Variants in PRR14L observed in about 807,000 individuals in gnomAD.
PRR14L encodes the protein proline rich 14 like.
PRR14L carries 80 observed loss-of-function variants against 155.0 expected under a neutral mutation model. That is an observed-to-expected ratio of 0.52 (90% confidence interval 0.43 to 0.62). The LOEUF (loss-of-function observed/expected upper bound fraction) is 0.62, where lower values mean the gene tolerates loss of function less well. Ranked by LOEUF, PRR14L falls within the 20% of genes least tolerant of loss-of-function variation. The pLI is 0.00. For missense variants in PRR14L, 2,469 were observed against 2,548.0 expected (o/e 0.97, Z 0.67); for synonymous variants, 883 against 916.0 (o/e 0.96, Z 0.65).
chr22:31,704,202 A>G (rs2147858416), intron 5 of PRR14L, among the ~76,000 whole-genome samples: 1 of 152,342 alleles, frequency 6.6e-6, no homozygotes, highest in African/African-American at 2.4e-5. Context: ...CTGTATCTAC[A>G]TATGTAAAAA....
intron 2 of PRR14L, among the ~76,000 whole-genome samples, chr22:31,732,143 A>C (rs1694316378): frequency 6.6e-6 from 1 of 152,210 alleles, no homozygotes. Flanking sequence ...GTTTTATACA[A>C]ATAAGCAGAT....
intron 3 of PRR14L, among the ~76,000 whole-genome samples, chr22:31,719,131 A>C (rs1251323306): frequency 6.6e-6 from 1 of 152,118 alleles, no homozygotes; most frequent in Non-Finnish European, 1.5e-5. Flanking sequence ...AGTTTGATGC[A>C]GTACCTCACA....
chr22:31,747,353 A>T (rs1234750452), intron 1 of PRR14L, among the ~76,000 whole-genome samples: 2 of 148,792 alleles, frequency 1.3e-5, no homozygotes, highest in African/African-American at 5.0e-5. Context: ...ACCTCAGGTG[A>T]TCCACCCGCC....
At chr22:31,738,311 C>T (rs764820347) in intron 2 of PRR14L, 76 bp downstream of exon 2, 34 of 1,186,750 alleles carry the variant, frequency 2.9e-5, no homozygotes, top group East Asian at 7.7e-5. Flanking sequence ...ATGAGCCAAC[C>T]GTCAGCATCT....
intron 3 of PRR14L, among the ~76,000 whole-genome samples, chr22:31,721,463 G>C (rs1208018212): frequency 6.6e-6 from 1 of 151,962 alleles, no homozygotes. Context: ...AGCTACTCGG[G>C]AGACTGAGGC....
intron 1 of PRR14L, among the ~76,000 whole-genome samples, chr22:31,739,798 C>T (rs2074802671): frequency 6.6e-6 from 1 of 152,178 alleles, no homozygotes; most frequent in Non-Finnish European, 1.5e-5. Flanking sequence ...TTTGCTGAAA[C>T]ACTTATATCT....
At chr22:31,693,492 G>C (rs1177977262) in intron 7 of PRR14L, among the ~76,000 whole-genome samples, 1 of 152,168 alleles carries the variant, frequency 6.6e-6, no homozygotes, top group Non-Finnish European at 1.5e-5. Flanking sequence ...CATCTTGGTT[G>C]CTTCCAAGTT....
chr22:31,714,663 T>C lies in PRR14L; in HGVS notation c.3176A>G (p.Asp1059Gly). 1 of 1,552,218 alleles carries C rather than the reference T, an allele frequency of 6.4e-7. No homozygotes were observed. Among genetic ancestry groups the C allele is most frequent in the Non-Finnish European group, 8.7e-7 (1 of 1,147,108 alleles). ...TEGMVDIVYTDCSNKLAEGVL... is the reference protein window; with the variant it reads ...TEGMVDIVYTGCSNKLAEGVL... ...ACCTTCTGCAAGCTTATTACTACAG[T>C]CCGTGTAGACGATGTCTACCATACC... is the stretch of plus-strand genomic sequence containing the variant. Residue 1059 changes from aspartate to glycine, a missense_variant, in exon 4 of 9, where the codon GAC becomes GGC. Physicochemically the swap from Asp to Gly is moderately conservative, Grantham distance 94. Around this residue, in one of 2 missense-constraint regions of PRR14L, gnomAD observed 2,363 missense variants for 2,371.6 expected, o/e 1.00. Transcript: ENST00000327423.
chr22:31,688,503 C>A (rs999236289), intron 7 of PRR14L, among the ~76,000 whole-genome samples: 1 of 151,832 alleles, frequency 6.6e-6, no homozygotes, highest in African/African-American at 2.4e-5. Context: ...TTTCCCAATG[C>A]TATCCTTTTC....
At chr22:31,723,171 G>T (rs1183837437) in intron 3 of PRR14L, among the ~76,000 whole-genome samples, 1 of 152,138 alleles carries the variant, frequency 6.6e-6, no homozygotes, top group African/African-American at 2.4e-5. Context: ...CTGATTTCAA[G>T]CTCGCCTATA....
At chr22:31,740,421 C>T (rs991470385) in intron 1 of PRR14L, among the ~76,000 whole-genome samples, 34 of 152,048 alleles carry the variant, frequency 2.2e-4, no homozygotes, top group Admixed American at 3.9e-4. Flanking sequence ...AGTTTCACCA[C>T]GTTGGCCAGG....
rs751701007 is a variant in PRR14L, at chr22:31,715,319, G to C, written c.2520C>G (p.His840Gln). ...HRDHCCQGTG[H>Q]SVEKSSCKVS... ...CTTTACAGCTGCTTTTTTCCACAGAGTGTCCTGTTCCTTGGCAGCAGTGAT... is the reference window on the plus strand; with the variant it reads ...CTTTACAGCTGCTTTTTTCCACAGACTGTCCTGTTCCTTGGCAGCAGTGAT... The change falls in exon 4 of 9, where the codon CAC becomes CAG. Residue 840 changes from histidine to glutamine, a missense_variant. Coordinates refer to ENST00000327423, the MANE Select transcript of PRR14L (RefSeq NM_173566.3). The C allele has an allele frequency of 6.4e-7, 1 of 1,551,966 alleles. No homozygotes were observed. The highest frequency in any genetic ancestry group is 8.7e-7 in the Non-Finnish European group (1 of 1,147,078).
chr22:31,721,438 G>A (rs1328824354), intron 3 of PRR14L, among the ~76,000 whole-genome samples: 1 of 152,022 alleles, frequency 6.6e-6, no homozygotes, highest in Non-Finnish European at 1.5e-5. Context: ...CATGGTGGCA[G>A]ACGCCTGTAG....
Position 31,715,363 on chromosome 22 carries a change from T to C in PRR14L, c.2476A>G (p.Asn826Asp). Residue 826 changes from asparagine to aspartate, a missense_variant, in exon 4 of 9, where the codon AAT becomes GAT. Transcript: ENST00000327423. ...CAGTGATCACGGTGCTGAAATGCATTTTCATATTTTGTTATCAAAGAGTTA... is the reference window on the plus strand; with the variant it reads ...CAGTGATCACGGTGCTGAAATGCATCTTCATATTTTGTTATCAAAGAGTTA... ...VDNSLITKYE[N>D]AFQHRDHCCQ... 6.4e-7 allele frequency: 1 copy of C among 1,552,080 alleles called. No individual in the cohort carries two copies.
chr22:31,736,578 G>A (rs971570137), intron 2 of PRR14L, among the ~76,000 whole-genome samples: 1 of 152,150 alleles, frequency 6.6e-6, no homozygotes, highest in African/African-American at 2.4e-5. Flanking sequence ...GCAGCCCAAA[G>A]AACATATGAA....
chr22:31,736,530 G>A (rs1251735416), intron 2 of PRR14L, among the ~76,000 whole-genome samples: 1 of 152,092 alleles, frequency 6.6e-6, no homozygotes, highest in Non-Finnish European at 1.5e-5. Context: ...GTAAAGAAAA[G>A]ATATATGTAT....
At position 31,714,115 on chromosome 22, in the gene PRR14L, G is replaced by C; in HGVS notation, c.3724C>G (p.Pro1242Ala). 6.4e-7 allele frequency: 1 copy of C among 1,551,004 alleles called. No individual in the cohort carries two copies. Among genetic ancestry groups the C allele is most frequent in the South Asian group, 1.2e-5 (1 of 83,868 alleles). Residue 1242 changes from proline to alanine, a missense_variant, in exon 4 of 9, where the codon CCT becomes GCT. Coordinates refer to ENST00000327423, the MANE Select transcript of PRR14L (RefSeq NM_173566.3). Reference sequence around the variant, plus strand: ...TTAGTTTCTGAATTTTCTTGAGAAGGCATTATTTCAATGGATTTCAGGCTT... The same window carrying C: ...TTAGTTTCTGAATTTTCTTGAGAAGCCATTATTTCAATGGATTTCAGGCTT... ...LRSLKSIEIM[P>A]SQENSETNVN...
intron 1 of PRR14L, among the ~76,000 whole-genome samples, chr22:31,741,466 GA>G (rs1251206400): frequency 6.6e-6 from 1 of 150,448 alleles, no homozygotes; most frequent in Admixed American, 6.6e-5. Flanking sequence ...CCATCTCAAA[GA>G]AAAAAAAGAA....
At chr22:31,739,268 T>C (rs1302099028) in intron 1 of PRR14L, among the ~76,000 whole-genome samples, 1 of 152,256 alleles carries the variant, frequency 6.6e-6, no homozygotes, top group Non-Finnish European at 1.5e-5. Context: ...TTTGTTTTCA[T>C]GGGCATGAAC....
Sources: gnomAD v4.1 joint callset for allele counts (sites outside exome capture counted in the v4.1 genomes callset) on GRCh38, gnomAD v4.1.1 for gene constraint, gnomAD v4.1.1 regional missense constraint, MANE v1.5 for transcripts, NCBI Gene and HGNC (gene_info 2026-07-23, HGNC 2026-07-21) for gene names.